DOCK4: variants seen among roughly 807,000 people sequenced by gnomAD.
The protein encoded by DOCK4 is dedicator of cytokinesis protein 4.
Under a neutral mutation model 268.1 loss-of-function variants are expected in DOCK4, and 97 were observed. That is an observed-to-expected ratio of 0.36 (90% CI 0.31 to 0.43). The LOEUF (loss-of-function observed/expected upper bound fraction) is 0.43, where lower values mean the gene tolerates loss of function less well. Ranked by LOEUF, DOCK4 falls within the 20% of genes least tolerant of loss-of-function variation. The pLI, the probability that DOCK4 is intolerant of heterozygous loss-of-function variation, is 1.00. For synonymous variants in DOCK4, 954 were observed against 887.2 expected, an observed-to-expected ratio of 1.08 and a Z score of -1.34; for missense variants, 2,145 against 2,455.7, an observed-to-expected ratio of 0.87 and a Z score of 2.67.
intron 9 of DOCK4, 85 bp from the exon 10 acceptor site, chr7:111,944,956 G>C: frequency 9.7e-7 from 1 of 1,035,656 alleles, no homozygotes; most frequent in Non-Finnish European, 1.5e-6. Flanking sequence ...AATAAAAGAA[G>C]AAAGAGATGG....
intron 4 of DOCK4, among the ~76,000 whole-genome samples, chr7:111,995,821 C>G (rs1799914933): frequency 6.6e-6 from 1 of 152,094 alleles, no homozygotes; most frequent in South Asian, 2.1e-4. Context: ...AATACTTGCC[C>G]TATGAATATT....
chr7:111,980,498 T>C (rs558994964), intron 7 of DOCK4, among the ~76,000 whole-genome samples: 2 of 152,318 alleles, frequency 1.3e-5, no homozygotes, highest in South Asian at 2.1e-4. Flanking sequence ...CAAAGATTTA[T>C]TTAACTGACT....
chr7:112,073,226 G>A (rs962087272), intron 1 of DOCK4, among the ~76,000 whole-genome samples: 13 of 151,982 alleles, frequency 8.6e-5, no homozygotes, highest in South Asian at 2.1e-4. Context: ...CTTCTGAGGA[G>A]CCAAGAATTG....
At chr7:111,990,168 A>C (rs1453500477) in intron 5 of DOCK4, among the ~76,000 whole-genome samples, 1 of 152,178 alleles carries the variant, frequency 6.6e-6, no homozygotes, top group Non-Finnish European at 1.5e-5. Flanking sequence ...GGCCCAGAAA[A>C]AATATGTAAG....
intron 13 of DOCK4, among the ~76,000 whole-genome samples, chr7:111,902,885 T>A (rs1481256996): frequency 6.6e-6 from 1 of 152,134 alleles, no homozygotes; most frequent in Non-Finnish European, 1.5e-5. Flanking sequence ...TTCTCCTGCC[T>A]CAGCCTCCCG....
intron 1 of DOCK4, among the ~76,000 whole-genome samples, chr7:112,110,980 C>T (rs557588198): frequency 3.9e-5 from 6 of 152,336 alleles, no homozygotes; most frequent in Non-Finnish European, 8.8e-5. Flanking sequence ...AACGAATCCC[C>T]AAACCCCCAT....
rs570105142 is a variant in DOCK4, at chr7:111,767,172, C to T, written c.3829-54G>A. 5.8e-4 allele frequency: 850 copies of T among 1,467,570 alleles called. 12 individuals carry two copies. In the South Asian group the frequency reaches 8.5e-3, roughly 15 times the overall value. The allele number at this position is 1,467,570 out of a possible 1,614,324, so 90.9% of individuals were successfully genotyped here. ...ACCATCTGACAATATCCACTTACTTCTACCCAAAAGTCAGAACATGAGTGC... is the reference window on the plus strand; with the variant it reads ...ACCATCTGACAATATCCACTTACTTTTACCCAAAAGTCAGAACATGAGTGC... On this transcript the variant is annotated intron_variant, in intron 37 of 52. Coordinates refer to ENST00000428084, the MANE Select transcript of DOCK4 (RefSeq NM_001363540.2).
chr7:112,183,853 T>C (rs555475244), intron 1 of DOCK4, among the ~76,000 whole-genome samples: 2 of 152,346 alleles, frequency 1.3e-5, no homozygotes, highest in African/African-American at 4.8e-5. Flanking sequence ...TTAGGCTTCC[T>C]TGCCTTTGCT....
chr7:111,934,196 T>C (rs1302048395), intron 12 of DOCK4, among the ~76,000 whole-genome samples: 1 of 152,262 alleles, frequency 6.6e-6, no homozygotes, highest in African/African-American at 2.4e-5. Flanking sequence ...GTCTGAATGG[T>C]GGATAAGAAC....
At chr7:112,039,600 C>G (rs537476184) in intron 1 of DOCK4, among the ~76,000 whole-genome samples, 1 of 151,982 alleles carries the variant, frequency 6.6e-6, no homozygotes, top group Admixed American at 6.6e-5. Context: ...ACTTGCCCCC[C>G]GAGCCAGCTT....
intron 39 of DOCK4, among the ~76,000 whole-genome samples, chr7:111,764,205 A>G (rs998143035): frequency 1.3e-5 from 2 of 152,222 alleles, no homozygotes; most frequent in Middle Eastern, 3.2e-3. Flanking sequence ...TGTATTGGAT[A>G]TTTTGGGATC....
chr7:112,193,446 A>G (rs1820148868), intron 1 of DOCK4, among the ~76,000 whole-genome samples: 1 of 151,948 alleles, frequency 6.6e-6, no homozygotes, highest in African/African-American at 2.4e-5. Flanking sequence ...AAATGAAAAT[A>G]AAAATAGCCA....
At chr7:111,879,653 T>A (rs918673252) in intron 16 of DOCK4, among the ~76,000 whole-genome samples, 1 of 152,174 alleles carries the variant, frequency 6.6e-6, no homozygotes, top group South Asian at 2.1e-4. Context: ...ATAGCTGTTT[T>A]GAGGAAACTC....
intron 22 of DOCK4, 24 bp from the exon 23 acceptor site, chr7:111,863,588 A>G (rs1805734485): frequency 6.4e-7 from 1 of 1,568,140 alleles, no homozygotes; most frequent in Non-Finnish European, 8.7e-7. Flanking sequence ...AGACATTTAA[A>G]TCAACTCCCA....
chr7:112,142,785 G>A (rs942936487), intron 1 of DOCK4, among the ~76,000 whole-genome samples: 3 of 152,054 alleles, frequency 2.0e-5, no homozygotes, highest in African/African-American at 4.8e-5. Context: ...ATAGTATCTA[G>A]TATTGCTTTG....
intron 28 of DOCK4, among the ~76,000 whole-genome samples, chr7:111,810,723 GCGGTGACTCATGCCTGTAATCCCAA>G (rs1047318156): frequency 6.6e-6 from 1 of 152,024 alleles, no homozygotes; most frequent in Non-Finnish European, 1.5e-5. Context: ...AGGGCCAGGC[GCGGTGACTCATGCCTGTAATCCCAA>G]CACTTTGGGA....
At chr7:111,753,007 G>GGGGT (rs973102222) in intron 42 of DOCK4, among the ~76,000 whole-genome samples, 2 of 145,996 alleles carry the variant, frequency 1.4e-5, no homozygotes, top group South Asian at 2.3e-4. Context: ...TAAGCTATTG[G>GGGGT]GGGGGGGGTC....
chr7:111,986,501 G>A (rs994376577), intron 6 of DOCK4, among the ~76,000 whole-genome samples: 6 of 152,174 alleles, frequency 3.9e-5, no homozygotes, highest in African/African-American at 1.2e-4. Flanking sequence ...GTAGAATCAA[G>A]GAAGTGCCTT....
chr7:112,082,549 G>T (rs139768283), intron 1 of DOCK4, among the ~76,000 whole-genome samples: 1 of 152,096 alleles, frequency 6.6e-6, no homozygotes, highest in Non-Finnish European at 1.5e-5. Flanking sequence ...ATTGTTGTTC[G>T]CTACAAAATT....
Sources: allele counts gnomAD v4.1 joint callset (sites outside exome capture counted in the v4.1 genomes callset), GRCh38; gene constraint gnomAD v4.1.1; transcripts MANE v1.5; gene names NCBI Gene and HGNC (gene_info 2026-07-23, HGNC 2026-07-21).